Variants in GALNT17 observed in about 807,000 individuals in gnomAD.
GALNT17 encodes UDP-GalNAc:polypeptide N-acetylgalactosaminyltransferase-like 3.
GALNT17 carries 29 observed loss-of-function variants against 63.7 expected under a neutral mutation model. That is an observed-to-expected ratio of 0.46 (90% confidence interval 0.34 to 0.62). The LOEUF is 0.62. Ranked by LOEUF, GALNT17 falls within the 20% of genes least tolerant of loss-of-function variation. GALNT17 has a pLI of 0.01. For missense variants in GALNT17, 603 were observed against 799.6 expected (o/e 0.75, Z 2.97); for synonymous variants, 305 against 318.3 (o/e 0.96, Z 0.45).
intron 9 of GALNT17, among the ~76,000 whole-genome samples, chr7:71,685,994 AC>A (rs1791351850): frequency 8.9e-6 from 1 of 112,486 alleles, no homozygotes; most frequent in South Asian, 3.1e-4. Context: ...TCACTCTGTC[AC>A]CCAGGCTGGA....
chr7:71,177,126 G>C (rs1788652989), intron 1 of GALNT17, among the ~76,000 whole-genome samples: 1 of 152,136 alleles, frequency 6.6e-6, no homozygotes, highest in South Asian at 2.1e-4. Context: ...GTAGGGGCCT[G>C]TCGGAGAGCG....
chr7:71,593,609 A>G (rs1212376230), intron 6 of GALNT17, among the ~76,000 whole-genome samples: 1 of 152,180 alleles, frequency 6.6e-6, no homozygotes, highest in Non-Finnish European at 1.5e-5. Flanking sequence ...GTCTGTAGAT[A>G]TGCAGAATGT....
chr7:71,693,725 C>T (rs2117099619), intron 9 of GALNT17, among the ~76,000 whole-genome samples: 1 of 151,478 alleles, frequency 6.6e-6, no homozygotes, highest in Admixed American at 6.6e-5. Flanking sequence ...GGCTTAATAC[C>T]TGGGTGATGA....
At chr7:71,532,459 A>G (rs1788736096) in intron 5 of GALNT17, among the ~76,000 whole-genome samples, 1 of 152,192 alleles carries the variant, frequency 6.6e-6, no homozygotes, top group Non-Finnish European at 1.5e-5. Context: ...GTCTAAATGT[A>G]TTAATGATAT....
rs187346265 is a variant in GALNT17 at position 71,232,489 on chromosome 7, G to A, written c.238+99449G>A. On this transcript the variant is annotated intron_variant, in intron 1 of 10. Coordinates refer to ENST00000333538, the MANE Select transcript of GALNT17 (RefSeq NM_022479.3). ...ATAGGGCATAGGAAAGCAGGAGTTAGGGACTAGGGGGGATTTAATAAGTGA... is the reference window on the plus strand; with the variant it reads ...ATAGGGCATAGGAAAGCAGGAGTTAAGGACTAGGGGGGATTTAATAAGTGA... 7.2e-5 allele frequency among the ~76,000 whole-genome samples: 11 copies of A among 152,220 alleles called. No individual in the cohort carries two copies. The East Asian group carries it at 1.5e-3, about 21-fold the overall frequency.
intron 1 of GALNT17, among the ~76,000 whole-genome samples, chr7:71,317,103 G>A (rs1314990232): frequency 6.6e-6 from 1 of 152,166 alleles, no homozygotes; most frequent in Non-Finnish European, 1.5e-5. Context: ...TGTTAACCAT[G>A]ATGAGAGACA....
intron 1 of GALNT17, among the ~76,000 whole-genome samples, chr7:71,296,906 C>T (rs1318594446): frequency 1.3e-5 from 2 of 152,096 alleles, no homozygotes; most frequent in African/African-American, 4.8e-5. Context: ...CATCATGGTG[C>T]GTGAACACGC....
chr7:71,302,073 T>C (rs150123082), intron 1 of GALNT17, among the ~76,000 whole-genome samples: 18 of 152,264 alleles, frequency 1.2e-4, no homozygotes, highest in Admixed American at 5.2e-4. Context: ...TGGGAGCCAT[T>C]ATCCTCACCA....
At chr7:71,265,332 G>A (rs1356246148) in intron 1 of GALNT17, among the ~76,000 whole-genome samples, 1 of 150,910 alleles carries the variant, frequency 6.6e-6, no homozygotes, top group African/African-American at 2.4e-5. Context: ...TCACCATATC[G>A]GCCAGGCTGC....
chr7:71,160,610 T>C (rs1218256360), intron 1 of GALNT17, among the ~76,000 whole-genome samples: 6 of 152,136 alleles, frequency 3.9e-5, no homozygotes, highest in Admixed American at 2.0e-4. Context: ...AGGTGCCTGC[T>C]ACCATGCCTG....
At chr7:71,286,910 C>A (rs1790884603) in intron 1 of GALNT17, among the ~76,000 whole-genome samples, 1 of 151,782 alleles carries the variant, frequency 6.6e-6, no homozygotes, top group Non-Finnish European at 1.5e-5. Flanking sequence ...CCCATCTCAG[C>A]CTACTGAGTA....
At chr7:71,255,797 G>T (rs1311070199) in intron 1 of GALNT17, among the ~76,000 whole-genome samples, 4 of 152,118 alleles carry the variant, frequency 2.6e-5, no homozygotes, top group Non-Finnish European at 5.9e-5. Flanking sequence ...ATAGTGGCTG[G>T]CCGAGAGACT....
chr7:71,349,366 A>C (rs1792151544), intron 2 of GALNT17, among the ~76,000 whole-genome samples: 1 of 152,218 alleles, frequency 6.6e-6, no homozygotes, highest in Non-Finnish European at 1.5e-5. Context: ...AAGGCTCATC[A>C]GTATTACAGA....
intron 9 of GALNT17, among the ~76,000 whole-genome samples, chr7:71,689,094 T>C (rs1608875): frequency 0.76 from 114,859 of 151,960 alleles, 43,573 homozygotes; most frequent in East Asian, 0.85. Flanking sequence ...GAGCTGCACC[T>C]AGACAGGACC....
intron 1 of GALNT17, among the ~76,000 whole-genome samples, chr7:71,288,381 C>A (rs1790916091): frequency 1.3e-5 from 2 of 151,778 alleles, no homozygotes; most frequent in South Asian, 4.2e-4. Flanking sequence ...GTGGCAGAGG[C>A]AGAAGGAAAT....
At chr7:71,679,828 A>C (rs542989581) in intron 9 of GALNT17, among the ~76,000 whole-genome samples, 3 of 151,650 alleles carry the variant, frequency 2.0e-5, no homozygotes, top group Admixed American at 2.0e-4. Flanking sequence ...TTTGGGTCAG[A>C]TCTCCGGTGG....
chr7:71,313,465 G>A (rs987631101), intron 1 of GALNT17, among the ~76,000 whole-genome samples: 3 of 152,170 alleles, frequency 2.0e-5, no homozygotes, highest in Non-Finnish European at 4.4e-5. Flanking sequence ...AGGAGCAAAG[G>A]TTTCTCCTGC....
chr7:71,260,683 C>T (rs1197180982), intron 1 of GALNT17, among the ~76,000 whole-genome samples: 5 of 151,716 alleles, frequency 3.3e-5, no homozygotes, highest in Non-Finnish European at 4.4e-5. Flanking sequence ...GCTCTCTGTA[C>T]TCCTGGGCTC....
chr7:71,548,989 T>C (rs1394268531), intron 5 of GALNT17, among the ~76,000 whole-genome samples: 1 of 152,150 alleles, frequency 6.6e-6, no homozygotes, highest in East Asian at 1.9e-4. Context: ...GAGAAACAGC[T>C]TTGCTTCTGA....
Sources: gnomAD v4.1 joint callset for allele counts (sites outside exome capture counted in the v4.1 genomes callset) on GRCh38, gnomAD v4.1.1 for gene constraint, MANE v1.5 for transcripts, NCBI Gene and HGNC (gene_info 2026-07-23, HGNC 2026-07-21) for gene names.